The following CHD7 variants were observed in gnomAD, a reference collection of about 807,000 sequenced individuals.
CHD7 encodes the protein ATP-dependent chromatin remodeler CHD7.
CHD7 carries 24 observed loss-of-function variants against 307.3 expected under a neutral mutation model. The observed-to-expected ratio is 0.08, with a 90% CI of 0.06 to 0.11. CHD7 has a LOEUF of 0.11. Among genes scored for constraint, CHD7 ranks in the 10% least tolerant of loss-of-function variants. The probability of loss-of-function intolerance (pLI) is 1.00; values close to 1 mark genes in which losing one functional copy is unlikely to be tolerated. For missense variants in CHD7, 3,106 were observed against 3,727.1 expected, an observed-to-expected ratio of 0.83 and a Z score of 4.34; for synonymous variants, 1,363 against 1,349.9, an observed-to-expected ratio of 1.01 and a Z score of -0.21.
intron 3 of CHD7, among the ~76,000 whole-genome samples, chr8:60,793,316 C>T (rs1253833705): frequency 6.6e-6 from 1 of 151,806 alleles, no homozygotes. Context: ...AGAGCACGGC[C>T]TTTTTTCTTT....
At chr8:60,836,027 TA>T in intron 15 of CHD7, 45 bp from the exon 16 acceptor site, 1 of 1,438,704 alleles carries the variant, frequency 7.0e-7, no homozygotes, top group Non-Finnish European at 9.6e-7. Flanking sequence ...TTTTTAGTAA[TA>T]AAAACCTTTT....
chr8:60,716,197 C>T (rs1807590802), intron 1 of CHD7, among the ~76,000 whole-genome samples: 1 of 152,218 alleles, frequency 6.6e-6, no homozygotes, highest in Non-Finnish European at 1.5e-5. Flanking sequence ...GCCGGTGTTA[C>T]TGCAGTAGCT....
At chr8:60,863,363 C>G (rs1044256285) in intron 37 of CHD7, 1 of 152,280 alleles carries the variant, frequency 6.6e-6, no homozygotes, top group African/African-American at 2.4e-5. Flanking sequence ...TTTCGCTCAT[C>G]ATATGGAAGG....
chr8:60,759,044 A>G (rs1278585276), intron 2 of CHD7, among the ~76,000 whole-genome samples: 1 of 152,186 alleles, frequency 6.6e-6, no homozygotes. Context: ...ATGTCTTAGT[A>G]TATTATGAAA....
At chr8:60,697,911 GGT>G (rs1286172231) in intron 1 of CHD7, among the ~76,000 whole-genome samples, 2 of 152,196 alleles carry the variant, frequency 1.3e-5, no homozygotes, top group Admixed American at 1.3e-4. Context: ...TCATGAGTTA[GGT>G]GTTTGAACAT....
At chr8:60,681,107 T>C (rs1297170414) in intron 1 of CHD7, among the ~76,000 whole-genome samples, 2 of 152,192 alleles carry the variant, frequency 1.3e-5, no homozygotes, top group Admixed American at 6.5e-5. Flanking sequence ...ACAAAATACG[T>C]GTCTTTATTT....
intron 1 of CHD7, among the ~76,000 whole-genome samples, chr8:60,690,268 A>G (rs976306189): frequency 1.3e-5 from 2 of 151,410 alleles, no homozygotes; most frequent in Admixed American, 6.6e-5. Flanking sequence ...GTATTTTTGG[A>G]TTTTGTACAT....
chr8:60,786,717 C>T (rs1811506895), intron 3 of CHD7, among the ~76,000 whole-genome samples: 1 of 152,120 alleles, frequency 6.6e-6, no homozygotes, highest in Admixed American at 6.6e-5. Context: ...GATGTTAGGG[C>T]TGGCAGGTAA....
At chr8:60,704,333 C>T (rs1330972576) in intron 1 of CHD7, among the ~76,000 whole-genome samples, 1 of 151,820 alleles carries the variant, frequency 6.6e-6, no homozygotes, top group Non-Finnish European at 1.5e-5. Flanking sequence ...CCACACAAAC[C>T]TGTGTAAGTA....
intron 37 of CHD7, 78 bp downstream of exon 37, chr8:60,862,730 G>C: frequency 1.0e-6 from 1 of 969,656 alleles, no homozygotes; most frequent in African/African-American, 1.6e-5. Context: ...TTTTCTGTTG[G>C]CCATTAATTA....
rs886063023 is a variant in CHD7, at chr8:60,678,764, C to CGCG, written c.-469_-467dup. ...CGCGCAGGCGCTGGCGTGCTGGGGC[C>CGCG]GCGGCGGCGGCGGCGGCGGCGGCGG... On this transcript the variant is annotated 5_prime_UTR_variant, in exon 1 of 38. Coordinates refer to ENST00000423902, the MANE Select transcript of CHD7 (RefSeq NM_017780.4). 0.65 allele frequency: 89,677 copies of CGCG among 138,032 alleles called. 29,210 individuals are homozygous for CGCG. The highest frequency in any genetic ancestry group is 0.69 in the East Asian group (3,072 of 4,434). 8.6% of individuals were successfully genotyped at this position (138,032 alleles called of 1,614,324 possible).
chr8:60,698,530 A>G (rs1296208507), intron 1 of CHD7, among the ~76,000 whole-genome samples: 1 of 152,218 alleles, frequency 6.6e-6, no homozygotes, highest in Non-Finnish European at 1.5e-5. Flanking sequence ...TTCAAAGCTT[A>G]GTTGCAGTAC....
At chr8:60,800,997 G>A (rs998623191) in intron 5 of CHD7, among the ~76,000 whole-genome samples, 2 of 152,176 alleles carry the variant, frequency 1.3e-5, no homozygotes, top group African/African-American at 2.4e-5. Context: ...TAAAATATGG[G>A]TAGTGTAGGA....
intron 2 of CHD7, among the ~76,000 whole-genome samples, chr8:60,759,289 C>A (rs1347597731): frequency 6.6e-6 from 1 of 152,154 alleles, no homozygotes; most frequent in African/African-American, 2.4e-5. Flanking sequence ...AGGAATGAGT[C>A]AGATAGCCTG....
Position 60,853,415 on chromosome 8 carries a change from A to C in CHD7, c.6690A>C (p.Lys2230Asn). Residue 2230 changes from lysine to asparagine, a missense_variant, in exon 31 of 38, where the codon AAA becomes AAC. Lys to Asn is a moderately conservative substitution (Grantham distance 94, BLOSUM62 0). Around this residue, in one of 10 missense-constraint regions of CHD7, gnomAD observed 1,030 missense variants for 1,165.4 expected, o/e 0.88. Transcript: ENST00000423902. ...GVEVGADTGSKSISEKGSEED... is the reference protein window; with the variant it reads ...GVEVGADTGSNSISEKGSEED... ...AGGTCGGCGCAGACACTGGGTCCAA[A>C]TCTATTTCAGAGAAAGGTTCCGAAG... 1 of 1,525,214 alleles carries C rather than the reference A, an allele frequency of 6.6e-7. No homozygotes were observed. Among genetic ancestry groups the C allele is most frequent in the Non-Finnish European group, 8.8e-7 (1 of 1,140,656 alleles). The allele number at this position is 1,525,214 out of a possible 1,614,324, so 94.5% of individuals were successfully genotyped here.
At chr8:60,811,061 T>C (rs1172488365) in intron 7 of CHD7, among the ~76,000 whole-genome samples, 1 of 152,170 alleles carries the variant, frequency 6.6e-6, no homozygotes, top group African/African-American at 2.4e-5. Context: ...ACCGTTTCAT[T>C]CCAAACTGCC....
intron 2 of CHD7, among the ~76,000 whole-genome samples, chr8:60,774,731 C>T (rs1349674221): frequency 6.6e-6 from 1 of 152,214 alleles, no homozygotes; most frequent in Non-Finnish European, 1.5e-5. Flanking sequence ...ACCTTGCTCT[C>T]CTCCACTTGC....
At chr8:60,854,864 G>A (rs1805632864) in intron 32 of CHD7, among the ~76,000 whole-genome samples, 1 of 152,118 alleles carries the variant, frequency 6.6e-6, no homozygotes, top group Admixed American at 6.5e-5. Flanking sequence ...AAATTTTTTT[G>A]TGAAATAAAG....
intron 3 of CHD7, among the ~76,000 whole-genome samples, chr8:60,788,784 T>C (rs1811630071): frequency 6.6e-6 from 1 of 152,192 alleles, no homozygotes; most frequent in African/African-American, 2.4e-5. Flanking sequence ...TGGTGTGAAG[T>C]TGTTGACCTC....
Sources: gnomAD v4.1 joint callset for allele counts (sites outside exome capture counted in the v4.1 genomes callset) on GRCh38, gnomAD v4.1.1 for gene constraint, gnomAD v4.1.1 regional missense constraint, MANE v1.5 for transcripts, NCBI Gene and HGNC (gene_info 2026-07-23, HGNC 2026-07-21) for gene names.